The following CNBD1 variants were observed in gnomAD, a reference collection of about 807,000 sequenced individuals.
CNBD1 encodes the protein cyclic nucleotide binding domain containing 1.
Under a neutral mutation model 54.4 loss-of-function variants are expected in CNBD1, and 71 were observed. The observed-to-expected ratio is 1.30, with a 90% CI of 1.08 to 1.59. The LOEUF (loss-of-function observed/expected upper bound fraction) is 1.59. CNBD1 is among the 40% of genes most tolerant of loss of function. CNBD1 has a pLI of 0.00. For synonymous variants in CNBD1, 182 were observed against 170.7 expected, an observed-to-expected ratio of 1.07 and a Z score of -0.51; for missense variants, 659 against 518.0, an observed-to-expected ratio of 1.27 and a Z score of -2.64.
chr8:86,889,151 G>A (rs1808728291), intron 2 of CNBD1, among the ~76,000 whole-genome samples: 1 of 152,122 alleles, frequency 6.6e-6, no homozygotes, highest in African/African-American at 2.4e-5. Flanking sequence ...GGGGCCTGGG[G>A]GAACAGGTTT....
At chr8:87,174,185 C>A (rs1813151250) in intron 4 of CNBD1, among the ~76,000 whole-genome samples, 2 of 152,008 alleles carry the variant, frequency 1.3e-5, no homozygotes, top group African/African-American at 4.8e-5. Context: ...GTCTCGATCT[C>A]TTGACCTCGT....
intron 10 of CNBD1, among the ~76,000 whole-genome samples, chr8:87,355,670 A>G (rs77605235): frequency 0.024 from 3,673 of 152,292 alleles, 151 homozygotes; most frequent in African/African-American, 0.081. Context: ...AAATTTGTAG[A>G]CATTACCATG....
chr8:87,304,314 T>G (rs922990752), intron 8 of CNBD1, among the ~76,000 whole-genome samples: 3 of 152,012 alleles, frequency 2.0e-5, no homozygotes, highest in Admixed American at 6.6e-5. Context: ...CCATAAAAAA[T>G]GATGAGTTCA....
downstream of CNBD1, among the ~76,000 whole-genome samples, chr8:87,383,382 A>G (rs757970156): frequency 2.6e-5 from 4 of 152,076 alleles, no homozygotes; most frequent in Non-Finnish European, 4.4e-5. Flanking sequence ...TTTATTCAAT[A>G]CCTACCATGT....
intron 2 of CNBD1, among the ~76,000 whole-genome samples, chr8:86,904,489 C>T (rs528111089): frequency 6.6e-6 from 1 of 151,926 alleles, no homozygotes; most frequent in Admixed American, 6.6e-5. Context: ...TAAGAGTCAT[C>T]CTGAGGAATA....
intron 8 of CNBD1, among the ~76,000 whole-genome samples, chr8:87,313,263 CTT>C (rs1384319044): frequency 6.6e-6 from 1 of 151,934 alleles, no homozygotes; most frequent in African/African-American, 2.4e-5. Context: ...ATTGCAGGGA[CTT>C]ATTTGGAGAA....
intron 8 of CNBD1, among the ~76,000 whole-genome samples, chr8:87,292,130 A>T (rs1167724602): frequency 6.6e-6 from 1 of 152,236 alleles, no homozygotes; most frequent in East Asian, 1.9e-4. Context: ...TAATACATTT[A>T]TTGATAAATC....
chr8:87,254,186 T>G (rs1313489891), intron 6 of CNBD1, among the ~76,000 whole-genome samples: 2 of 151,954 alleles, frequency 1.3e-5, no homozygotes, highest in African/African-American at 4.8e-5. Context: ...CCACCTAAAG[T>G]GAAGAACAGA....
chr8:87,242,953 G>A (rs951817217), intron 6 of CNBD1, among the ~76,000 whole-genome samples: 17 of 152,170 alleles, frequency 1.1e-4, no homozygotes, highest in African/African-American at 3.9e-4. Flanking sequence ...AGGACAGGGT[G>A]GAGGGAGGAA....
chr8:86,912,376 C>CAAAAAAAAAA (rs1809112739), intron 3 of CNBD1, among the ~76,000 whole-genome samples: 1 of 152,074 alleles, frequency 6.6e-6, no homozygotes, highest in Non-Finnish European at 1.5e-5. Flanking sequence ...ATACTTCTTC[C>CAAAAAAAAAA]AATATGCAGT....
intron 6 of CNBD1, among the ~76,000 whole-genome samples, chr8:87,253,292 G>A (rs1193656118): frequency 1.3e-5 from 2 of 152,096 alleles, no homozygotes; most frequent in Non-Finnish European, 2.9e-5. Flanking sequence ...GTCAGCCCGG[G>A]GAGAGAGGGA....
intron 4 of CNBD1, among the ~76,000 whole-genome samples, chr8:87,049,971 C>T (rs1409604591): frequency 6.6e-6 from 1 of 152,154 alleles, no homozygotes; most frequent in Non-Finnish European, 1.5e-5. Context: ...TTAAAACTCC[C>T]AAGGCTATTT....
intron 4 of CNBD1, among the ~76,000 whole-genome samples, chr8:86,950,219 C>A (rs1418448248): frequency 4.6e-5 from 7 of 151,718 alleles, no homozygotes; most frequent in Non-Finnish European, 2.9e-5. Flanking sequence ...TGCCACCACG[C>A]CTGGCAAATT....
intron 5 of CNBD1, among the ~76,000 whole-genome samples, chr8:87,228,376 C>G (rs1814563715): frequency 6.7e-6 from 1 of 149,036 alleles, no homozygotes; most frequent in Admixed American, 6.6e-5. Context: ...GTGGTTTTAT[C>G]TACTTTTGGT....
rs532143159 is a variant in CNBD1 at position 87,032,984 on chromosome 8, T to C, written c.431+93230T>C. Among the ~76,000 whole-genome samples, 6 of 152,326 alleles carry C rather than the reference T, an allele frequency of 3.9e-5. 1 individual carries two copies. In the South Asian group the frequency reaches 1.2e-3, roughly 32 times the overall value. On this transcript the variant is annotated intron_variant, in intron 4 of 10. Coordinates refer to ENST00000518476, the MANE Select transcript of CNBD1 (RefSeq NM_173538.3). ...ACCCTTCATCCCACTCCCTCTTTGCTGTATCGACAATCTCTTTCACAGTTT... is the reference window on the plus strand; with the variant it reads ...ACCCTTCATCCCACTCCCTCTTTGCCGTATCGACAATCTCTTTCACAGTTT...
At chr8:87,225,853 G>T (rs1814473219) in intron 5 of CNBD1, among the ~76,000 whole-genome samples, 1 of 145,232 alleles carries the variant, frequency 6.9e-6, no homozygotes, top group Admixed American at 6.8e-5. Flanking sequence ...GAATTCAGCT[G>T]TGAATCCATC....
intron 4 of CNBD1, among the ~76,000 whole-genome samples, chr8:87,043,805 CATT>C (rs1285646367): frequency 3.9e-5 from 6 of 152,312 alleles, no homozygotes; most frequent in Admixed American, 3.3e-4. Flanking sequence ...TCTAAAAACT[CATT>C]ATTTCTTTAG....
At chr8:87,025,275 A>C (rs1809613491) in intron 4 of CNBD1, among the ~76,000 whole-genome samples, 1 of 152,014 alleles carries the variant, frequency 6.6e-6, no homozygotes, top group Non-Finnish European at 1.5e-5. Flanking sequence ...AAGGGAATAA[A>C]AGCTGGCCAC....
chr8:87,255,943 A>G (rs1324210963), intron 6 of CNBD1, among the ~76,000 whole-genome samples: 1 of 135,858 alleles, frequency 7.4e-6, no homozygotes, highest in African/African-American at 2.7e-5. Flanking sequence ...ATATATATAT[A>G]TAAAATACTC....
Sources: gnomAD v4.1 joint callset for allele counts (sites outside exome capture counted in the v4.1 genomes callset) on GRCh38, gnomAD v4.1.1 for gene constraint, MANE v1.5 for transcripts, NCBI Gene and HGNC (gene_info 2026-07-23, HGNC 2026-07-21) for gene names.